The following GPR89B variants were observed in gnomAD, a reference collection of about 807,000 sequenced individuals.
GPR89B encodes the protein golgi pH regulator B.
GPR89B carries 25 observed loss-of-function variants against 52.4 expected under a neutral mutation model. That is an observed-to-expected ratio of 0.48 (90% CI 0.35 to 0.67). The LOEUF (loss-of-function observed/expected upper bound fraction) is 0.67. GPR89B is among the 30% of genes least tolerant of loss of function. The probability of loss-of-function intolerance (pLI) is 0.01; values close to 1 mark genes in which losing one functional copy is unlikely to be tolerated. For synonymous variants in GPR89B, 52 were observed against 151.2 expected (o/e 0.34, Z 4.81); for missense variants, 146 against 450.2 (o/e 0.32, Z 6.11).
chr1:147,933,478 T>C (rs2149033320), intron 1 of GPR89B, among the ~76,000 whole-genome samples: 1 of 152,110 alleles, frequency 6.6e-6, no homozygotes, highest in Non-Finnish European at 1.5e-5. Flanking sequence ...GCCTTCACAA[T>C]CTGTCTTTTA....
chr1:148,017,778 A>G, the GPR89B span, among the ~76,000 whole-genome samples: 1 of 151,070 alleles, frequency 6.6e-6, no homozygotes, highest in Non-Finnish European at 1.5e-5. Flanking sequence ...AATAAAATAA[A>G]GTTAACACCC....
rs1268756286 is a variant in GPR89B, at chr1:147,950,062, G to A, written c.416-3283G>A. Among the ~76,000 whole-genome samples the A allele has an allele frequency of 5.4e-5, 8 of 147,516 alleles. 1 individual carries two copies. The highest frequency in any genetic ancestry group is 9.0e-5 in the Non-Finnish European group (6 of 66,626). On this transcript the variant is annotated intron_variant, in intron 5 of 13. Coordinates refer to ENST00000314163, the MANE Select transcript of GPR89B (RefSeq NM_016334.5). Reference sequence around the variant, plus strand: ...TCCCTCCCGGACGGGGCGGCTGGCCGTGCGGGGGGCTGATCCCCCCACCTC... The same window carrying A: ...TCCCTCCCGGACGGGGCGGCTGGCCATGCGGGGGGCTGATCCCCCCACCTC...
chr1:147,998,848 T>A, the GPR89B span, among the ~76,000 whole-genome samples: 1 of 129,074 alleles, frequency 7.7e-6, no homozygotes, highest in Non-Finnish European at 1.6e-5. Flanking sequence ...ACCATTGCAC[T>A]CCAGCTTGGA....
chr1:147,951,013 G>C (rs1273817844), intron 5 of GPR89B, among the ~76,000 whole-genome samples: 7 of 152,018 alleles, frequency 4.6e-5, no homozygotes, highest in Non-Finnish European at 8.8e-5. Context: ...AAACAAAAAT[G>C]ATTCAATGTC....
chr1:147,994,107 A>G, downstream of GPR89B: 1 of 974,490 alleles, frequency 1.0e-6, no homozygotes, highest in East Asian at 3.5e-5. Context: ...GTTAAGCATA[A>G]ATTAGCCGTC....
intron 7 of GPR89B, among the ~76,000 whole-genome samples, chr1:147,961,434 T>C (rs1656553116): frequency 6.6e-6 from 1 of 151,832 alleles, no homozygotes; most frequent in African/African-American, 2.4e-5. Context: ...AAGGGGAAAA[T>C]GATACATACA....
Sources: allele counts gnomAD v4.1 joint callset (sites outside exome capture counted in the v4.1 genomes callset), GRCh38; gene constraint gnomAD v4.1.1; transcripts MANE v1.5; gene names NCBI Gene and HGNC (gene_info 2026-07-23, HGNC 2026-07-21).